CCSER1: variants seen among roughly 807,000 people sequenced by gnomAD.
CCSER1 encodes coiled-coil serine rich protein 1.
CCSER1 carries 41 observed loss-of-function variants against 82.0 expected under a neutral mutation model. That is an observed-to-expected ratio of 0.50 (90% CI 0.39 to 0.65). CCSER1 has a LOEUF of 0.65. CCSER1 is among the 30% of genes least tolerant of loss of function. The pLI is 0.00. For missense variants in CCSER1, 1,119 were observed against 1,064.2 expected (o/e 1.05, Z -0.72); for synonymous variants, 414 against 383.9 (o/e 1.08, Z -0.92).
intron 4 of CCSER1, among the ~76,000 whole-genome samples, chr4:90,464,618 T>C (rs1763378965): frequency 6.6e-6 from 1 of 152,226 alleles, no homozygotes; most frequent in Non-Finnish European, 1.5e-5. Flanking sequence ...ACAAAAATTC[T>C]TTTCACAGAA....
At chr4:91,150,334 C>G (rs987376785) in intron 10 of CCSER1, among the ~76,000 whole-genome samples, 1 of 152,042 alleles carries the variant, frequency 6.6e-6, no homozygotes, top group South Asian at 2.1e-4. Context: ...GATTTTGTAT[C>G]CTGAGACTTT....
intron 10 of CCSER1, among the ~76,000 whole-genome samples, chr4:91,546,854 C>A (rs1023088633): frequency 6.6e-6 from 1 of 151,776 alleles, no homozygotes; most frequent in Non-Finnish European, 1.5e-5. Context: ...CTAATATATG[C>A]ATTAAATGCT....
chr4:91,309,232 A>G (rs1745277352), intron 10 of CCSER1, among the ~76,000 whole-genome samples: 1 of 152,026 alleles, frequency 6.6e-6, no homozygotes, highest in African/African-American at 2.4e-5. Flanking sequence ...CAGATACCTC[A>G]TTGGCTTACT....
intron 1 of CCSER1, among the ~76,000 whole-genome samples, chr4:90,213,017 T>A (rs536128994): frequency 1.9e-4 from 29 of 152,276 alleles, no homozygotes; most frequent in African/African-American, 6.7e-4. Context: ...AAGGCATTTG[T>A]AAGGATTTTG....
intron 8 of CCSER1, among the ~76,000 whole-genome samples, chr4:90,822,727 C>CAAAAA (rs58985334): frequency 5.2e-5 from 4 of 76,836 alleles, no homozygotes; most frequent in Non-Finnish European, 5.1e-5. Context: ...GACTCCATCT[C>CAAAAA]AAAAAAAAAA....
intron 10 of CCSER1, among the ~76,000 whole-genome samples, chr4:91,198,444 A>G (rs538259096): frequency 3.4e-4 from 52 of 152,326 alleles, no homozygotes; most frequent in African/African-American, 1.2e-3. Flanking sequence ...AGATTAAAAA[A>G]TGATTTATTC....
At chr4:90,879,891 A>G (rs1469423126) in intron 8 of CCSER1, among the ~76,000 whole-genome samples, 1 of 152,190 alleles carries the variant, frequency 6.6e-6, no homozygotes, top group Non-Finnish European at 1.5e-5. Context: ...AGATACAGTC[A>G]ATAGACTTAT....
At chr4:90,251,344 T>A (rs1578756128) in intron 1 of CCSER1, among the ~76,000 whole-genome samples, 1 of 152,082 alleles carries the variant, frequency 6.6e-6, no homozygotes, top group East Asian at 1.9e-4. Flanking sequence ...TTTTTACCAG[T>A]AGGTATAATG....
intron 4 of CCSER1, among the ~76,000 whole-genome samples, chr4:90,431,382 A>T (rs529574112): frequency 1.3e-5 from 2 of 152,192 alleles, no homozygotes; most frequent in East Asian, 3.9e-4. Flanking sequence ...AATACCTTTT[A>T]TAAATCCAGG....
chr4:91,029,979 A>G (rs560926686), intron 9 of CCSER1, among the ~76,000 whole-genome samples: 1 of 150,428 alleles, frequency 6.6e-6, no homozygotes, highest in South Asian at 2.1e-4. Context: ...TATTTACTGT[A>G]TTTTTGAACT....
At chr4:91,536,377 TAGAG>T (rs149494041) in intron 10 of CCSER1, among the ~76,000 whole-genome samples, 3 of 151,926 alleles carry the variant, frequency 2.0e-5, no homozygotes, top group South Asian at 4.2e-4. Flanking sequence ...CAGTACATGA[TAGAG>T]AGAGAGAGAT....
chr4:90,922,745 G>C (rs566978075), intron 8 of CCSER1, among the ~76,000 whole-genome samples: 3 of 152,002 alleles, frequency 2.0e-5, no homozygotes, highest in Admixed American at 1.3e-4. Flanking sequence ...ACACATTTAG[G>C]AATGAGAAGG....
chr4:90,662,000 C>CTTT (rs768964116), intron 6 of CCSER1, among the ~76,000 whole-genome samples: 4 of 136,166 alleles, frequency 2.9e-5, no homozygotes, highest in South Asian at 2.4e-4. Flanking sequence ...TTCTTTCTTT[C>CTTT]TTTTTTTTTT....
intron 6 of CCSER1, among the ~76,000 whole-genome samples, chr4:90,665,478 C>T (rs1325422900): frequency 3.3e-5 from 5 of 152,030 alleles, no homozygotes; most frequent in South Asian, 2.1e-4. Flanking sequence ...CCCGCCACCT[C>T]GCCCGGCTAA....
intron 10 of CCSER1, among the ~76,000 whole-genome samples, chr4:91,265,928 A>G (rs13119825): frequency 0.1 from 15,607 of 152,196 alleles, 956 homozygotes; most frequent in African/African-American, 0.15. Flanking sequence ...GAGGCCTTAC[A>G]ATCATGAGGG....
chr4:90,248,755 T>C (rs115273646), intron 1 of CCSER1, among the ~76,000 whole-genome samples: 2,690 of 151,648 alleles, frequency 0.018, 40 homozygotes, highest in Non-Finnish European at 0.027. Context: ...TGGAGTGCAG[T>C]GGTGTGATCA....
rs117763619 is a variant in CCSER1, at chr4:91,569,915, A to G, written c.2218-28657A>G. 3.1e-4 allele frequency among the ~76,000 whole-genome samples: 47 copies of G among 152,300 alleles called. No individual in the cohort carries two copies. The East Asian group carries it at 8.7e-3, about 28-fold the overall frequency. On this transcript the variant is annotated intron_variant, in intron 10 of 10. Coordinates refer to ENST00000509176, the MANE Select transcript of CCSER1 (RefSeq NM_001145065.2). Reference sequence around the variant, plus strand: ...TCCAAAGTCTCATGGGAGACAAGGAAAGTCCCTTCTGTCTATTAGCCTGTA... The same window carrying G: ...TCCAAAGTCTCATGGGAGACAAGGAGAGTCCCTTCTGTCTATTAGCCTGTA...
intron 9 of CCSER1, among the ~76,000 whole-genome samples, chr4:91,048,301 C>A (rs1205596084): frequency 6.6e-6 from 1 of 151,774 alleles, no homozygotes; most frequent in Admixed American, 6.6e-5. Flanking sequence ...AATAAAATAT[C>A]AATAACAACT....
chr4:90,751,173 T>G (rs1017552593), intron 7 of CCSER1, among the ~76,000 whole-genome samples: 32 of 152,090 alleles, frequency 2.1e-4, no homozygotes, highest in Non-Finnish European at 1.8e-4. Context: ...AGTAAGACAT[T>G]GCCATAAGCC....
Sources: gnomAD v4.1 joint callset for allele counts (sites outside exome capture counted in the v4.1 genomes callset) on GRCh38, gnomAD v4.1.1 for gene constraint, MANE v1.5 for transcripts, NCBI Gene and HGNC (gene_info 2026-07-23, HGNC 2026-07-21) for gene names.